Variants in GPC5 observed in about 807,000 individuals in gnomAD.
GPC5 encodes the protein glypican 5.
A neutral mutation model predicts 53.9 loss-of-function variants in GPC5; 47 were observed. The ratio of observed to expected loss-of-function variants is 0.87; its 90% CI spans 0.69 to 1.11. The LOEUF (loss-of-function observed/expected upper bound fraction) is 1.11, where lower values mean the gene tolerates loss of function less well. GPC5 is among the 50% of genes most tolerant of loss of function. The pLI, the probability that GPC5 is intolerant of heterozygous loss-of-function variation, is 0.00. For synonymous variants in GPC5, 286 were observed against 263.3 expected (o/e 1.09, Z -0.84); for missense variants, 748 against 713.1 (o/e 1.05, Z -0.56).
At chr13:92,114,002 T>C (rs183597188) in intron 6 of GPC5, among the ~76,000 whole-genome samples, 43 of 152,322 alleles carry the variant, frequency 2.8e-4, no homozygotes, top group Non-Finnish European at 4.0e-4. Flanking sequence ...TATCGGGTTA[T>C]ATGGAAAAGC....
rs948113082 is a variant in GPC5 at position 92,000,800 on chromosome 13, C to G, written c.1401+92743C>G. Among the ~76,000 whole-genome samples the G allele has an allele frequency of 4.1e-4, 62 of 151,960 alleles. 2 individuals carry two copies. The highest frequency in any genetic ancestry group is 3.9e-4 in the Admixed American group (6 of 15,238). ...CCTCTGAAACTGAGAGGAACCATAC[C>G]TTTTATAATTTTGGAACTTTAGCAA... On this transcript the variant is annotated intron_variant, in intron 6 of 7. Coordinates refer to ENST00000377067, the MANE Select transcript of GPC5 (RefSeq NM_004466.6).
chr13:92,246,729 C>T (rs1447809130), intron 7 of GPC5, among the ~76,000 whole-genome samples: 1 of 152,130 alleles, frequency 6.6e-6, no homozygotes, highest in Non-Finnish European at 1.5e-5. Flanking sequence ...CGGTCACGGG[C>T]TATGAAAGCA....
chr13:92,595,194 C>A (rs1159377695), intron 7 of GPC5, among the ~76,000 whole-genome samples: 2 of 152,118 alleles, frequency 1.3e-5, no homozygotes, highest in African/African-American at 4.8e-5. Context: ...TCAGAATTAA[C>A]CAGAGAAAGC....
chr13:91,659,659 C>T (rs1390948153), intron 2 of GPC5, among the ~76,000 whole-genome samples: 1 of 152,030 alleles, frequency 6.6e-6, no homozygotes, highest in East Asian at 1.9e-4. Context: ...ACTTAAGATC[C>T]AAAACAAATT....
intron 7 of GPC5, among the ~76,000 whole-genome samples, chr13:92,743,036 T>A (rs1889146161): frequency 6.6e-6 from 1 of 152,126 alleles, no homozygotes. Flanking sequence ...GCTTTGTTCT[T>A]TTGGCTTAGG....
chr13:92,439,120 G>A (rs1183556570), intron 7 of GPC5, among the ~76,000 whole-genome samples: 1 of 152,130 alleles, frequency 6.6e-6, no homozygotes, highest in Non-Finnish European at 1.5e-5. Context: ...TCTAAGAAGA[G>A]AAGACAATCT....
intron 2 of GPC5, among the ~76,000 whole-genome samples, chr13:91,615,556 G>A (rs1039248060): frequency 2.0e-5 from 3 of 152,128 alleles, no homozygotes; most frequent in African/African-American, 7.2e-5. Flanking sequence ...CCCTTACAGA[G>A]CCTATGTTTT....
chr13:92,285,885 C>G (rs1379314061), intron 7 of GPC5, among the ~76,000 whole-genome samples: 6 of 151,860 alleles, frequency 4.0e-5, no homozygotes, highest in African/African-American at 1.2e-4. Context: ...CTAAAATTGA[C>G]AAATGGGATC....
At chr13:92,385,586 TAC>T (rs1315745164) in intron 7 of GPC5, among the ~76,000 whole-genome samples, 3 of 129,592 alleles carry the variant, frequency 2.3e-5, no homozygotes, top group African/African-American at 8.8e-5. Flanking sequence ...ATATAATATA[TAC>T]GCATATATAC....
At chr13:92,596,601 GT>G (rs1271143274) in intron 7 of GPC5, among the ~76,000 whole-genome samples, 1 of 152,042 alleles carries the variant, frequency 6.6e-6, no homozygotes, top group Admixed American at 6.5e-5. Flanking sequence ...AGCCTCCCAA[GT>G]AGCTGGGACA....
chr13:92,321,044 T>C (rs114668797), intron 7 of GPC5, among the ~76,000 whole-genome samples: 23 of 122,106 alleles, frequency 1.9e-4, no homozygotes, highest in African/African-American at 9.8e-4. Flanking sequence ...TAGGATATTC[T>C]TAGAAACTAC....
chr13:91,745,842 C>T (rs550075712), intron 4 of GPC5, among the ~76,000 whole-genome samples: 15 of 152,184 alleles, frequency 9.9e-5, no homozygotes, highest in Non-Finnish European at 1.8e-4. Context: ...GATGTGTTCA[C>T]CCTCTCTTCC....
At chr13:92,342,437 G>T (rs1005382456) in intron 7 of GPC5, among the ~76,000 whole-genome samples, 1 of 152,028 alleles carries the variant, frequency 6.6e-6, no homozygotes, top group African/African-American at 2.4e-5. Flanking sequence ...TCTTTGGGAG[G>T]TGTTTGAGTC....
chr13:91,646,816 T>A (rs566095248), intron 2 of GPC5, among the ~76,000 whole-genome samples: 93 of 152,242 alleles, frequency 6.1e-4, no homozygotes, highest in Non-Finnish European at 1.2e-3. Flanking sequence ...CAAAGAGGTA[T>A]AGAATTCATG....
chr13:92,593,344 C>G (rs751315631), intron 7 of GPC5, among the ~76,000 whole-genome samples: 1 of 150,836 alleles, frequency 6.6e-6, no homozygotes, highest in African/African-American at 2.4e-5. Context: ...TGATGAGATG[C>G]GTATGTAAAT....
At chr13:92,252,197 A>C (rs1566504996) in intron 7 of GPC5, among the ~76,000 whole-genome samples, 1 of 152,108 alleles carries the variant, frequency 6.6e-6, no homozygotes, top group African/African-American at 2.4e-5. Context: ...TTTTAAAGAG[A>C]ATAAAACTGA....
intron 7 of GPC5, among the ~76,000 whole-genome samples, chr13:92,372,380 T>C (rs1478355526): frequency 6.6e-6 from 1 of 152,198 alleles, no homozygotes; most frequent in Non-Finnish European, 1.5e-5. Flanking sequence ...CGATAGATTG[T>C]TTCAGGATAT....
intron 1 of GPC5, among the ~76,000 whole-genome samples, chr13:91,439,090 GCCTTC>G (rs1485281426): frequency 1.8e-3 from 277 of 152,310 alleles, no homozygotes; most frequent in African/African-American, 6.4e-3. Context: ...TGGCTCAAGA[GCCTTC>G]CCAGGCTCTT....
chr13:91,615,818 A>T (rs1206147978), intron 2 of GPC5, among the ~76,000 whole-genome samples: 1 of 152,146 alleles, frequency 6.6e-6, no homozygotes, highest in Non-Finnish European at 1.5e-5. Context: ...ATCAATGATA[A>T]ACTCATCCTA....
Sources: allele counts gnomAD v4.1 joint callset (sites outside exome capture counted in the v4.1 genomes callset), GRCh38; gene constraint gnomAD v4.1.1; transcripts MANE v1.5; gene names NCBI Gene and HGNC (gene_info 2026-07-23, HGNC 2026-07-21).